Variants in DMXL1 observed in about 807,000 individuals in gnomAD.
DMXL1 encodes dmX-like protein 1.
In DMXL1, 99 loss-of-function variants were observed where a neutral mutation model predicts 319.2. That is an observed-to-expected ratio of 0.31 (90% confidence interval 0.26 to 0.37). DMXL1 has a LOEUF of 0.37. Among genes scored for constraint, DMXL1 ranks in the 10% least tolerant of loss-of-function variants. The pLI, the probability that DMXL1 is intolerant of heterozygous loss-of-function variation, is 1.00. For synonymous variants in DMXL1, 1,385 were observed against 1,235.2 expected (o/e 1.12, Z -2.54); for missense variants, 3,745 against 3,595.6 (o/e 1.04, Z -1.06).
chr5:119,187,787 C>T (rs899128487), intron 28 of DMXL1, among the ~76,000 whole-genome samples: 2 of 152,038 alleles, frequency 1.3e-5, no homozygotes, highest in African/African-American at 2.4e-5. Flanking sequence ...CTCAGCCTCC[C>T]GAGTAGCTGG....
intron 21 of DMXL1, among the ~76,000 whole-genome samples, chr5:119,166,075 C>T (rs1453716914): frequency 1.3e-5 from 2 of 152,210 alleles, no homozygotes; most frequent in Non-Finnish European, 2.9e-5. Context: ...GAATTTTTCT[C>T]TCTCACTTCT....
At chr5:119,218,145 G>A (rs2150562753) in intron 35 of DMXL1, among the ~76,000 whole-genome samples, 1 of 152,234 alleles carries the variant, frequency 6.6e-6, no homozygotes, top group South Asian at 2.1e-4. Flanking sequence ...GGGAGGCCAA[G>A]GCAGTAGGAT....
chr5:119,114,230 C>T (rs1760311180), intron 5 of DMXL1, among the ~76,000 whole-genome samples: 1 of 152,140 alleles, frequency 6.6e-6, no homozygotes, highest in African/African-American at 2.4e-5. Context: ...ATGAAAGTTA[C>T]AACTTTTGTT....
At chr5:119,210,363 G>C (rs1468009743) in intron 34 of DMXL1, among the ~76,000 whole-genome samples, 1 of 152,142 alleles carries the variant, frequency 6.6e-6, no homozygotes, top group Non-Finnish European at 1.5e-5. Context: ...CCTAACCTAA[G>C]ATCACAAAAA....
At chr5:119,178,638 T>C in intron 28 of DMXL1, 1 of 985,404 alleles carries the variant, frequency 1.0e-6, no homozygotes, top group Non-Finnish European at 1.2e-6. Context: ...TGTGTGGGCT[T>C]TTCCAAAGCT....
Position 119,104,563 on chromosome 5 carries a change from C to G in DMXL1, c.286-617C>G, listed in dbSNP as rs72784077. 9.2e-4 allele frequency among the ~76,000 whole-genome samples: 140 copies of G among 151,802 alleles called. 1 individual carries two copies. The highest frequency in any genetic ancestry group is 1.6e-3 in the Non-Finnish European group (108 of 67,964). On this transcript the variant is annotated intron_variant, in intron 3 of 43. Coordinates refer to ENST00000539542, the MANE Select transcript of DMXL1 (RefSeq NM_001290321.3). ...ACTCAACTTAGTGTAGGCCACAACC[C>G]GAATTTAAAAAGAGAATGAAATAGA...
At chr5:119,226,434 A>G (rs1025900362) in intron 38 of DMXL1, among the ~76,000 whole-genome samples, 1 of 152,154 alleles carries the variant, frequency 6.6e-6, no homozygotes, top group Non-Finnish European at 1.5e-5. Flanking sequence ...CTTTTGAAAA[A>G]TTCTTAAAGA....
chr5:119,129,990 C>T (rs1372420807), intron 10 of DMXL1, among the ~76,000 whole-genome samples: 2 of 152,188 alleles, frequency 1.3e-5, no homozygotes, highest in Admixed American at 1.3e-4. Flanking sequence ...CCGTGTAGTT[C>T]CTGACTCTGT....
At chr5:119,129,187 T>C in intron 9 of DMXL1, 24 bp from the exon 10 acceptor site, 1 of 1,476,502 alleles carries the variant, frequency 6.8e-7, no homozygotes, top group Non-Finnish European at 9.2e-7. Context: ...AAAATTTTAA[T>C]TTTATCTTTT....
chr5:119,187,373 CA>C (rs1777923843), intron 28 of DMXL1, among the ~76,000 whole-genome samples: 1 of 152,140 alleles, frequency 6.6e-6, no homozygotes, highest in Non-Finnish European at 1.5e-5. Flanking sequence ...TTAGCATTTT[CA>C]AAAACAACCA....
intron 34 of DMXL1, among the ~76,000 whole-genome samples, chr5:119,207,637 A>T (rs142724833): frequency 6.6e-6 from 1 of 151,134 alleles, no homozygotes; most frequent in South Asian, 2.1e-4. Context: ...TCCTGCCTCA[A>T]CCTCCCTAGT....
chr5:119,151,902 C>A, intron 18 of DMXL1, 27 bp from the exon 19 acceptor site: 2 of 1,498,980 alleles, frequency 1.3e-6, no homozygotes, highest in Non-Finnish European at 1.8e-6. Flanking sequence ...TTTTTTAATA[C>A]ATTGCTTCCC....
chr5:119,093,087 C>T (rs1325384581), intron 1 of DMXL1, among the ~76,000 whole-genome samples: 1 of 151,970 alleles, frequency 6.6e-6, no homozygotes, highest in Non-Finnish European at 1.5e-5. Flanking sequence ...TGTGGCAACC[C>T]TTTGTTGAGC....
intron 24 of DMXL1, 81 bp downstream of exon 24, chr5:119,171,361 G>T: frequency 7.2e-7 from 1 of 1,383,034 alleles, no homozygotes; most frequent in South Asian, 1.5e-5. Flanking sequence ...TGAATACTAA[G>T]ACTTGATTTT....
At chr5:119,175,602 G>C (rs1042252520) in intron 26 of DMXL1, among the ~76,000 whole-genome samples, 6 of 151,922 alleles carry the variant, frequency 3.9e-5, no homozygotes, top group African/African-American at 1.2e-4. Flanking sequence ...GAATTTTAAC[G>C]CAAATAATAT....
chr5:119,152,859 C>G (rs1171678949), intron 19 of DMXL1, among the ~76,000 whole-genome samples: 1 of 152,178 alleles, frequency 6.6e-6, no homozygotes, highest in Non-Finnish European at 1.5e-5. Flanking sequence ...TGGTCTCAGT[C>G]TCTTGCTCGT....
intron 19 of DMXL1, among the ~76,000 whole-genome samples, chr5:119,161,527 C>A (rs1772266042): frequency 6.6e-6 from 1 of 152,244 alleles, no homozygotes; most frequent in Non-Finnish European, 1.5e-5. Flanking sequence ...GGTGTGAGGT[C>A]TGGGGCTGGG....
chr5:119,243,101 T>C (rs1311125986), intron 42 of DMXL1, among the ~76,000 whole-genome samples: 2 of 152,190 alleles, frequency 1.3e-5, no homozygotes, highest in Admixed American at 1.3e-4. Flanking sequence ...GATGAAAATA[T>C]TCTGTACCTT....
chr5:119,133,416 C>G (rs1765352132), intron 11 of DMXL1, 31 bp downstream of exon 11: 1 of 1,596,868 alleles, frequency 6.3e-7, no homozygotes. Flanking sequence ...GAGCTACTTC[C>G]TTGTTTATGT....
Sources: gnomAD v4.1 joint callset for allele counts (sites outside exome capture counted in the v4.1 genomes callset) on GRCh38, gnomAD v4.1.1 for gene constraint, MANE v1.5 for transcripts, NCBI Gene and HGNC (gene_info 2026-07-23, HGNC 2026-07-21) for gene names.